The following PLA2R1 variants were observed in gnomAD, a reference collection of about 807,000 sequenced individuals.
PLA2R1 encodes secretory phospholipase A2 receptor.
PLA2R1 carries 158 observed loss-of-function variants against 195.9 expected under a neutral mutation model. The ratio of observed to expected loss-of-function variants is 0.81; its 90% CI spans 0.71 to 0.92. PLA2R1 has a LOEUF of 0.92. Ranked by LOEUF, PLA2R1 falls within the 40% of genes least tolerant of loss-of-function variation. The pLI is 0.00. For missense variants in PLA2R1, 1,626 were observed against 1,764.6 expected (o/e 0.92, Z 1.41); for synonymous variants, 586 against 598.2 (o/e 0.98, Z 0.30).
At chr2:159,983,216 C>G (rs535231475) in intron 13 of PLA2R1, among the ~76,000 whole-genome samples, 1 of 152,218 alleles carries the variant, frequency 6.6e-6, no homozygotes, top group Admixed American at 6.5e-5. Flanking sequence ...GGGCTTTCTC[C>G]CAAATAAGAA....
intron 28 of PLA2R1, among the ~76,000 whole-genome samples, 192 bp from the exon 29 acceptor site, chr2:159,942,351 G>T (rs1314199138): frequency 6.6e-6 from 1 of 152,168 alleles, no homozygotes; most frequent in African/African-American, 2.4e-5. Flanking sequence ...GCATGTAACA[G>T]AGACCATATG....
chr2:159,977,600 A>T (rs1689661467), intron 14 of PLA2R1, among the ~76,000 whole-genome samples, 184 bp from the exon 15 acceptor site: 1 of 151,924 alleles, frequency 6.6e-6, no homozygotes, highest in Non-Finnish European at 1.5e-5. Flanking sequence ...AATATTTAGC[A>T]TTTTTTTCTT....
chr2:159,971,464 G>A (rs912976373), intron 17 of PLA2R1, among the ~76,000 whole-genome samples: 1 of 132,898 alleles, frequency 7.5e-6, no homozygotes, highest in Non-Finnish European at 1.8e-5. Flanking sequence ...ATGTGCACAC[G>A]TGTGTGCGCG....
At chr2:159,998,430 T>C (rs73967978) in intron 11 of PLA2R1, among the ~76,000 whole-genome samples, 4,278 of 152,210 alleles carry the variant, frequency 0.028, 183 homozygotes, top group African/African-American at 0.092. Context: ...ATTTGAACTT[T>C]AGTTCAACTC....
downstream of PLA2R1, among the ~76,000 whole-genome samples, chr2:159,928,013 G>A (rs1400631910): frequency 1.3e-5 from 2 of 152,222 alleles, no homozygotes; most frequent in East Asian, 3.8e-4. Context: ...GCTGGTAGAA[G>A]TGGCCTAGTT....
Position 160,042,112 on chromosome 2 carries a change from G to A in PLA2R1, c.580C>T (p.Arg194Cys), listed in dbSNP as rs768133507. ...YNHQWHHECT[R>C]EGREDDLLWC... ...AGTAAGTCATCTTCCCGACCTTCACGGGTACATTCATGATGCCACTGATGG... is the reference window on the plus strand; with the variant it reads ...AGTAAGTCATCTTCCCGACCTTCACAGGTACATTCATGATGCCACTGATGG... The change falls in exon 3 of 30, where the codon CGT becomes TGT. Residue 194 changes from arginine (R) to cysteine (C), a missense_variant. Arg to Cys is a radical substitution (Grantham distance 180). Coordinates refer to ENST00000283243, the MANE Select transcript of PLA2R1 (RefSeq NM_007366.5). The A allele has an allele frequency of 1.4e-5, 22 of 1,613,948 alleles. No individual in the cohort carries two copies. The highest frequency in any genetic ancestry group is 2.2e-5 in the East Asian group (1 of 44,878).
intron 4 of PLA2R1, among the ~76,000 whole-genome samples, chr2:160,032,093 T>G (rs987312131): frequency 1.3e-5 from 2 of 152,242 alleles, no homozygotes; most frequent in Non-Finnish European, 2.9e-5. Context: ...ATAATACCAT[T>G]TTTTATATAT....
intron 23 of PLA2R1, among the ~76,000 whole-genome samples, chr2:159,952,265 T>C (rs1467520490): frequency 6.6e-6 from 1 of 152,222 alleles, no homozygotes; most frequent in Non-Finnish European, 1.5e-5. Flanking sequence ...TGTGAGTGGC[T>C]GTGATCATGT....
chr2:159,967,731 A>G, intron 19 of PLA2R1, 53 bp from the exon 20 acceptor site: 1 of 1,514,402 alleles, frequency 6.6e-7, no homozygotes. Context: ...GATTCTTTGA[A>G]GGCATTCTCT....
At chr2:160,052,518 T>G (rs1217374026) in intron 1 of PLA2R1, among the ~76,000 whole-genome samples, 5 of 152,262 alleles carry the variant, frequency 3.3e-5, no homozygotes, top group Admixed American at 3.3e-4. Context: ...TGTTTTGCCT[T>G]TATTTAACTG....
At chr2:159,970,552 A>G (rs1689090278) in intron 17 of PLA2R1, among the ~76,000 whole-genome samples, 1 of 152,192 alleles carries the variant, frequency 6.6e-6, no homozygotes, top group African/African-American at 2.4e-5. Flanking sequence ...CCTCTCAGTT[A>G]TTTACCCTCT....
chr2:160,025,891 GA>G (rs1451380509), intron 6 of PLA2R1, among the ~76,000 whole-genome samples: 25 of 152,236 alleles, frequency 1.6e-4, no homozygotes, highest in African/African-American at 5.3e-4. Context: ...GCAGAGGTAG[GA>G]AAAAGGATAC....
intron 17 of PLA2R1, among the ~76,000 whole-genome samples, chr2:159,973,358 G>A (rs1011698645): frequency 1.3e-5 from 2 of 151,428 alleles, no homozygotes; most frequent in African/African-American, 4.9e-5. Flanking sequence ...TTTCCCCTTG[G>A]ACCCCACTAC....
At chr2:159,958,296 T>C (rs573787521) in intron 20 of PLA2R1, among the ~76,000 whole-genome samples, 15 of 152,038 alleles carry the variant, frequency 9.9e-5, no homozygotes, top group Non-Finnish European at 2.1e-4. Context: ...ACATGCTGGT[T>C]CCCTGTTATC....
chr2:160,026,444 CT>C (rs1693528792), intron 6 of PLA2R1, among the ~76,000 whole-genome samples: 1 of 152,160 alleles, frequency 6.6e-6, no homozygotes, highest in East Asian at 1.9e-4. Flanking sequence ...ATAGGTTTCA[CT>C]TTGAAAATAA....
chr2:159,987,939 T>C (rs576631950), intron 11 of PLA2R1, among the ~76,000 whole-genome samples: 1 of 152,236 alleles, frequency 6.6e-6, no homozygotes, highest in Non-Finnish European at 1.5e-5. Context: ...AGAGAGGGGC[T>C]TTTATATGAA....
chr2:159,990,763 T>A (rs1690716362), intron 11 of PLA2R1, among the ~76,000 whole-genome samples: 1 of 152,198 alleles, frequency 6.6e-6, no homozygotes, highest in Non-Finnish European at 1.5e-5. Context: ...GAGACAGGCA[T>A]TAGTGCCTGA....
downstream of PLA2R1, among the ~76,000 whole-genome samples, chr2:159,930,508 T>C (rs1402370837): frequency 6.6e-6 from 1 of 152,130 alleles, no homozygotes; most frequent in Non-Finnish European, 1.5e-5. Context: ...CTTACTCATG[T>C]AACCAAACAC....
intron 18 of PLA2R1, 25 bp from the exon 19 acceptor site, chr2:159,969,384 G>C: frequency 7.8e-7 from 1 of 1,282,514 alleles, no homozygotes; most frequent in Admixed American, 1.7e-5. Context: ...AAAATGTTAA[G>C]GTCTTCTCTC....
Sources: gnomAD v4.1 joint callset for allele counts (sites outside exome capture counted in the v4.1 genomes callset) on GRCh38, gnomAD v4.1.1 for gene constraint, MANE v1.5 for transcripts, NCBI Gene and HGNC (gene_info 2026-07-23, HGNC 2026-07-21) for gene names.